Variants in TOM1L1 observed in about 807,000 individuals in gnomAD.
TOM1L1 encodes the protein TOM1-like protein 1.
In TOM1L1, 64 loss-of-function variants were observed where a neutral mutation model predicts 63.4. The observed-to-expected ratio is 1.01, with a 90% CI of 0.83 to 1.24. TOM1L1 has a LOEUF of 1.24. TOM1L1 is among the 50% of genes most tolerant of loss of function. The pLI, the probability that TOM1L1 is intolerant of heterozygous loss-of-function variation, is 0.00. For missense variants in TOM1L1, 536 were observed against 567.0 expected (o/e 0.95, Z 0.55); for synonymous variants, 166 against 194.4 (o/e 0.85, Z 1.22).
chr17:54,912,516 C>T (rs2048513151), intron 3 of TOM1L1, 150 bp from the exon 4 acceptor site: 2 of 645,684 alleles, frequency 3.1e-6, no homozygotes, highest in Non-Finnish European at 4.9e-6. Flanking sequence ...TCCCCAGAAC[C>T]TAACATTTTG....
Position 54,937,242 on chromosome 17 carries a change from G to T in TOM1L1, c.1033+16G>T, listed in dbSNP as rs2048964448. The stretch of plus-strand genomic sequence containing the variant: ...TCAGGCTTAAGTAAATAAACACTCA[G>T]GTCTTTTCAGACCAGCAGAAGAGCT... On this transcript the variant is annotated intron_variant, in intron 10 of 15. Coordinates refer to ENST00000575882, the MANE Select transcript of TOM1L1 (RefSeq NM_005486.3). 6.4e-7 allele frequency: 1 copy of T among 1,557,490 alleles called. No individual in the cohort carries two copies. Among genetic ancestry groups the T allele is most frequent in the Admixed American group, 1.7e-5 (1 of 59,858 alleles).
intron 14 of TOM1L1, chr17:54,957,071 A>G (rs1226535236): frequency 6.6e-6 from 1 of 152,280 alleles, no homozygotes; most frequent in Non-Finnish European, 1.5e-5. Flanking sequence ...TGCATTCCAC[A>G]CAGGGTTTGG....
intron 1 of TOM1L1, among the ~76,000 whole-genome samples, chr17:54,902,177 G>A (rs574948677): frequency 7.9e-5 from 12 of 152,328 alleles, no homozygotes; most frequent in African/African-American, 2.4e-4. Context: ...ACAAAACTTA[G>A]GAGAAGGGAG....
intron 7 of TOM1L1, among the ~76,000 whole-genome samples, chr17:54,918,415 A>T (rs2048627376): frequency 6.6e-6 from 1 of 152,314 alleles, no homozygotes; most frequent in East Asian, 1.9e-4. Flanking sequence ...GTTAATGGAT[A>T]TGAGTTTGTG....
rs778792763 is a variant in TOM1L1 at position 54,905,480 on chromosome 17, T to C, written c.144-9T>C. 35 of 1,599,298 alleles carry C rather than the reference T, an allele frequency of 2.2e-5. No individual in the cohort carries two copies. The highest frequency in any genetic ancestry group is 3.4e-5 in the Admixed American group (2 of 58,392). Reference sequence around the variant, plus strand: ...TAAATTGGTGATTTCAGTGTATTTATTGCTATAGGCCAAAAGATGCAGTGA... The same window carrying C: ...TAAATTGGTGATTTCAGTGTATTTACTGCTATAGGCCAAAAGATGCAGTGA... On this transcript the variant is annotated splice_polypyrimidine_tract_variant and intron_variant, in intron 2 of 15. Coordinates refer to ENST00000575882, the MANE Select transcript of TOM1L1 (RefSeq NM_005486.3).
At position 54,959,855 on chromosome 17, in the gene TOM1L1, G is replaced by A. The variant is rs1441251847; in HGVS notation, c.1371-711G>A. 3.9e-5 allele frequency among the ~76,000 whole-genome samples: 6 copies of A among 152,124 alleles called. No homozygotes were observed. The South Asian group carries it at 1.0e-3, about 26-fold the overall frequency. On this transcript the variant is annotated intron_variant, in intron 14 of 15. Transcript: ENST00000575882. ...TGGTCTTGAAATCCTGGACTCAAGCGATCCACCCACCTCAGCCTCCCAGAG... is the reference window on the plus strand; with the variant it reads ...TGGTCTTGAAATCCTGGACTCAAGCAATCCACCCACCTCAGCCTCCCAGAG...
chr17:54,961,695 C>T lies in TOM1L1; in HGVS notation c.*462C>T. ...TTTAACTAAAGTTGAATGTAAAAGTCAATTTGCACTTCTTTATAATCCTCT... is the reference window on the plus strand; with the variant it reads ...TTTAACTAAAGTTGAATGTAAAAGTTAATTTGCACTTCTTTATAATCCTCT... On this transcript the variant is annotated 3_prime_UTR_variant, in exon 16 of 16. Coordinates refer to ENST00000575882, the MANE Select transcript of TOM1L1 (RefSeq NM_005486.3). The T allele has an allele frequency of 9.6e-7, 1 of 1,044,608 alleles. No individual in the cohort carries two copies. The highest frequency in any genetic ancestry group is 1.2e-6 in the Non-Finnish European group (1 of 867,308). The allele number at this position is 1,044,608 out of a possible 1,614,324, so 64.7% of individuals were successfully genotyped here. A position where few individuals can be genotyped will look rare whatever the true frequency, so the allele number is the denominator to read the frequency against.
intron 8 of TOM1L1, 60 bp from the exon 9 acceptor site, chr17:54,936,588 GA>G (rs2048950166): frequency 7.1e-7 from 1 of 1,402,130 alleles, no homozygotes; most frequent in Non-Finnish European, 9.8e-7. Flanking sequence ...ATAATTGTTA[GA>G]TTTTTATAGC....
intron 6 of TOM1L1, 135 bp from the exon 7 acceptor site, chr17:54,915,611 A>C (rs1430896066): frequency 1.9e-6 from 1 of 516,332 alleles, no homozygotes; most frequent in Non-Finnish European, 3.4e-6. Flanking sequence ...TATTTATATG[A>C]AATTAAATTT....
chr17:54,961,280 C>T lies in TOM1L1; in HGVS notation c.*47C>T. The T allele has an allele frequency of 1.9e-6, 3 of 1,551,522 alleles. No homozygotes were observed. The highest frequency in any genetic ancestry group is 2.6e-6 in the Non-Finnish European group (3 of 1,146,886). ...CACTACCACATCAAAGGTGCCAACT[C>T]TCTAAAACGTAGACTCTGTGCAGCT... On this transcript the variant is annotated 3_prime_UTR_variant, in exon 16 of 16. Transcript: ENST00000575882.
intron 7 of TOM1L1, chr17:54,917,577 G>T (rs181355735): frequency 6.6e-6 from 1 of 152,116 alleles, no homozygotes; most frequent in East Asian, 1.9e-4. Flanking sequence ...TCTTTCCAAG[G>T]ATAATAATTA....
chr17:54,951,661 T>C (rs770631962), intron 14 of TOM1L1, among the ~76,000 whole-genome samples: 3 of 152,200 alleles, frequency 2.0e-5, no homozygotes, highest in South Asian at 2.1e-4. Context: ...AAGACCACAG[T>C]TGCCAACAGC....
intron 7 of TOM1L1, among the ~76,000 whole-genome samples, chr17:54,926,920 T>C (rs1189883680): frequency 6.6e-6 from 1 of 152,222 alleles, no homozygotes; most frequent in Non-Finnish European, 1.5e-5. Flanking sequence ...GGACTGATTT[T>C]CTAGTATACC....
chr17:54,907,480 A>G (rs565723186), intron 3 of TOM1L1, among the ~76,000 whole-genome samples: 16 of 152,292 alleles, frequency 1.1e-4, no homozygotes, highest in Admixed American at 9.8e-4. Context: ...TGTTTCTAAG[A>G]ACGAATCAAG....
At chr17:54,959,243 T>C (rs1277252672) in intron 14 of TOM1L1, 1 of 152,170 alleles carries the variant, frequency 6.6e-6, no homozygotes, top group Admixed American at 6.5e-5. Flanking sequence ...CTCAGCCATG[T>C]TTTGCTATAC....
chr17:54,930,082 A>G lies in TOM1L1; in HGVS notation c.730A>G (p.Lys244Glu), dbSNP rs1199554358. ...EDIELLQKLY[K>E]TGREMQERIM... is the part of the protein sequence containing the mutation. ...CTCCTTTCTTTGACAGAAACTCTAT[A>G]AAACAGGTCGGGAGATGCAGGAGAG... is the stretch of plus-strand genomic sequence containing the variant. The change falls in exon 8 of 16, where the codon AAA becomes GAA. Residue 244 changes from lysine (K) to glutamate (E), a missense_variant. Coordinates refer to ENST00000575882, the MANE Select transcript of TOM1L1 (RefSeq NM_005486.3). The G allele has an allele frequency of 1.2e-6, 2 of 1,614,106 alleles. No homozygotes were observed. Among genetic ancestry groups the G allele is most frequent in the East Asian group, 2.2e-5 (1 of 44,872 alleles).
At chr17:54,945,252 C>A (rs1265839565) in intron 11 of TOM1L1, among the ~76,000 whole-genome samples, 2 of 152,110 alleles carry the variant, frequency 1.3e-5, no homozygotes, top group Non-Finnish European at 2.9e-5. Flanking sequence ...GGATGGTATC[C>A]TCATCTTAAG....
At chr17:54,905,969 A>C (rs2048401778) in intron 3 of TOM1L1, among the ~76,000 whole-genome samples, 1 of 152,002 alleles carries the variant, frequency 6.6e-6, no homozygotes. Context: ...CAGGAGTTTG[A>C]GAACAGCCTG....
intron 8 of TOM1L1, among the ~76,000 whole-genome samples, chr17:54,934,398 C>T (rs2048913119): frequency 6.6e-6 from 1 of 152,122 alleles, no homozygotes; most frequent in African/African-American, 2.4e-5. Flanking sequence ...TTTTTTCAAC[C>T]TTTAATTTCC....
Sources: allele counts gnomAD v4.1 joint callset (sites outside exome capture counted in the v4.1 genomes callset), GRCh38; gene constraint gnomAD v4.1.1; transcripts MANE v1.5; gene names NCBI Gene and HGNC (gene_info 2026-07-23, HGNC 2026-07-21).